CDH12: variants seen among roughly 807,000 people sequenced by gnomAD.
The protein encoded by CDH12 is cadherin-12.
Under a neutral mutation model 74.1 loss-of-function variants are expected in CDH12, and 41 were observed. That is an observed-to-expected ratio of 0.55 (90% CI 0.43 to 0.72). The LOEUF is 0.72. CDH12 is among the 30% of genes least tolerant of loss of function. The pLI, the probability that CDH12 is intolerant of heterozygous loss-of-function variation, is 0.00. For missense variants in CDH12, 945 were observed against 977.2 expected, an observed-to-expected ratio of 0.97 and a Z score of 0.44; for synonymous variants, 399 against 355.0, an observed-to-expected ratio of 1.12 and a Z score of -1.39.
intron 1 of CDH12, among the ~76,000 whole-genome samples, chr5:22,682,808 A>G (rs1741565630): frequency 6.6e-6 from 1 of 152,102 alleles, no homozygotes; most frequent in Admixed American, 6.6e-5. Flanking sequence ...CAGAAAAAAA[A>G]AGCAAAACAA....
intron 1 of CDH12, among the ~76,000 whole-genome samples, chr5:22,761,930 AACACACACAC>A (rs10662625): frequency 3.4e-5 from 5 of 148,988 alleles, no homozygotes; most frequent in Admixed American, 1.3e-4. Context: ...TAATTTCTCA[AACACACACAC>A]ACACACACAC....
chr5:21,873,629 T>G (rs1751766571), intron 6 of CDH12, among the ~76,000 whole-genome samples: 1 of 152,198 alleles, frequency 6.6e-6, no homozygotes, highest in Non-Finnish European at 1.5e-5. Flanking sequence ...TTTAAAAATT[T>G]TATTTTATTT....
chr5:22,453,358 A>T (rs1205387920), intron 2 of CDH12, among the ~76,000 whole-genome samples: 1 of 152,174 alleles, frequency 6.6e-6, no homozygotes, highest in Non-Finnish European at 1.5e-5. Flanking sequence ...GGATAAAGGT[A>T]TGAAAACATG....
intron 3 of CDH12, among the ~76,000 whole-genome samples, chr5:22,315,730 G>A (rs762724396): frequency 2.6e-5 from 4 of 152,106 alleles, no homozygotes; most frequent in Non-Finnish European, 5.9e-5. Flanking sequence ...GGGCTTTAGG[G>A]GGACAACTTG....
intron 1 of CDH12, among the ~76,000 whole-genome samples, chr5:22,710,878 T>C (rs974681265): frequency 6.6e-6 from 1 of 152,124 alleles, no homozygotes; most frequent in African/African-American, 2.4e-5. Context: ...CCTTATAGGA[T>C]TCTTGTGAGG....
intron 3 of CDH12, among the ~76,000 whole-genome samples, chr5:22,275,138 G>A (rs1033852502): frequency 1.3e-5 from 2 of 152,086 alleles, no homozygotes; most frequent in Admixed American, 6.6e-5. Context: ...GAGGTCAGGG[G>A]CAAGGGAGGG....
intron 1 of CDH12, among the ~76,000 whole-genome samples, chr5:22,628,690 T>C (rs1738424499): frequency 6.6e-6 from 1 of 151,934 alleles, no homozygotes; most frequent in Admixed American, 6.6e-5. Flanking sequence ...TTAGAGAAGC[T>C]AGAGAAACAA....
chr5:22,440,329 T>A (rs558163142), intron 2 of CDH12, among the ~76,000 whole-genome samples: 2 of 152,138 alleles, frequency 1.3e-5, no homozygotes, highest in African/African-American at 2.4e-5. Context: ...AAATGGTATA[T>A]GTTTAATCCA....
chr5:22,008,177 G>C (rs1737075329), intron 5 of CDH12, among the ~76,000 whole-genome samples: 1 of 152,048 alleles, frequency 6.6e-6, no homozygotes, highest in African/African-American at 2.4e-5. Context: ...GGAATTATGA[G>C]GAGGAGATGA....
chr5:22,404,247 G>C (rs2126455778), intron 3 of CDH12, among the ~76,000 whole-genome samples: 1 of 151,880 alleles, frequency 6.6e-6, no homozygotes, highest in East Asian at 1.9e-4. Context: ...ATTTTGAATA[G>C]AGGAAACTCA....
At chr5:22,733,812 T>A (rs1561610863) in intron 1 of CDH12, among the ~76,000 whole-genome samples, 1 of 151,998 alleles carries the variant, frequency 6.6e-6, no homozygotes, top group Non-Finnish European at 1.5e-5. Flanking sequence ...AACTGAGGCA[T>A]ACTTATTTTA....
chr5:22,565,465 C>G (rs190923374), intron 1 of CDH12, among the ~76,000 whole-genome samples: 1 of 152,116 alleles, frequency 6.6e-6, no homozygotes, highest in Admixed American at 6.5e-5. Context: ...TATATTTTTA[C>G]AATTAACTCA....
Position 22,362,320 on chromosome 5 carries a change from A to C in CDH12, c.-333+42937T>G, listed in dbSNP as rs188709997. On this transcript the variant is annotated intron_variant, in intron 3 of 14. Transcript: ENST00000382254. ...GAAGACATCTATGCAGCCAACAGAC[A>C]CATGAAAAAATGTTCATCATCACTG... Among the ~76,000 whole-genome samples, 20 of 152,350 alleles carry C rather than the reference A, an allele frequency of 1.3e-4. No individual in the cohort carries two copies. The East Asian group carries it at 3.7e-3, about 28-fold the overall frequency.
intron 3 of CDH12, among the ~76,000 whole-genome samples, chr5:22,230,346 T>C (rs1009940005): frequency 6.6e-6 from 1 of 152,150 alleles, no homozygotes; most frequent in South Asian, 2.1e-4. Context: ...GTATCCTTAG[T>C]GTTACATAAG....
chr5:22,005,285 C>T (rs757254658), intron 5 of CDH12, among the ~76,000 whole-genome samples: 7 of 152,146 alleles, frequency 4.6e-5, no homozygotes, highest in African/African-American at 7.2e-5. Context: ...TCAGGTGATC[C>T]GCCCACCTCG....
At chr5:22,378,234 T>C (rs1211137256) in intron 3 of CDH12, among the ~76,000 whole-genome samples, 2 of 152,180 alleles carry the variant, frequency 1.3e-5, no homozygotes, top group Non-Finnish European at 2.9e-5. Context: ...AATGTGTTAA[T>C]GTATTAGAAT....
At chr5:22,791,807 TACTC>T (rs1747920563) in intron 1 of CDH12, among the ~76,000 whole-genome samples, 2 of 152,086 alleles carry the variant, frequency 1.3e-5, no homozygotes, top group South Asian at 2.1e-4. Flanking sequence ...CATGAGAACT[TACTC>T]ACTATCACAA....
chr5:22,379,604 A>C (rs1464555873), intron 3 of CDH12, among the ~76,000 whole-genome samples: 3 of 152,210 alleles, frequency 2.0e-5, no homozygotes, highest in Non-Finnish European at 4.4e-5. Flanking sequence ...TCTCCTGTGC[A>C]ATTCTAATTC....
chr5:22,173,040 A>T (rs1191927122), intron 4 of CDH12, among the ~76,000 whole-genome samples: 1 of 151,376 alleles, frequency 6.6e-6, no homozygotes, highest in African/African-American at 2.4e-5. Context: ...ACATGTGAGG[A>T]TTAACATATC....
Sources: allele counts gnomAD v4.1 joint callset (sites outside exome capture counted in the v4.1 genomes callset), GRCh38; gene constraint gnomAD v4.1.1; transcripts MANE v1.5; gene names NCBI Gene and HGNC (gene_info 2026-07-23, HGNC 2026-07-21).